Variants in CDH12 observed in about 807,000 individuals in gnomAD.
CDH12 encodes cadherin-12.
Under a neutral mutation model 74.1 loss-of-function variants are expected in CDH12, and 41 were observed. That is an observed-to-expected ratio of 0.55 (90% CI 0.43 to 0.72). CDH12 has a LOEUF of 0.72. CDH12 is among the 30% of genes least tolerant of loss of function. CDH12 has a pLI of 0.00. For synonymous variants in CDH12, 399 were observed against 355.0 expected, an observed-to-expected ratio of 1.12 and a Z score of -1.39; for missense variants, 945 against 977.2, an observed-to-expected ratio of 0.97 and a Z score of 0.44.
intron 1 of CDH12, among the ~76,000 whole-genome samples, chr5:22,574,905 T>A (rs1312260219): frequency 6.6e-6 from 1 of 152,152 alleles, no homozygotes; most frequent in East Asian, 1.9e-4. Context: ...TTCTTCACAT[T>A]CCCAATATGT....
At chr5:22,367,643 T>G (rs1371015500) in intron 3 of CDH12, among the ~76,000 whole-genome samples, 1 of 152,162 alleles carries the variant, frequency 6.6e-6, no homozygotes, top group Non-Finnish European at 1.5e-5. Context: ...TTCCTTATGC[T>G]TTCACTTCTT....
At chr5:22,072,351 G>A (rs1742000565) in intron 5 of CDH12, among the ~76,000 whole-genome samples, 1 of 151,946 alleles carries the variant, frequency 6.6e-6, no homozygotes, top group African/African-American at 2.4e-5. Context: ...GGCTCACCTT[G>A]AAGTTTCAAG....
chr5:22,562,393 A>G (rs1422588099), intron 1 of CDH12, among the ~76,000 whole-genome samples: 3 of 152,212 alleles, frequency 2.0e-5, no homozygotes, highest in African/African-American at 7.2e-5. Flanking sequence ...ACTGCTAGGA[A>G]TTTAAAAAAA....
chr5:21,989,488 G>A (rs1429992839), intron 5 of CDH12, among the ~76,000 whole-genome samples: 1 of 152,078 alleles, frequency 6.6e-6, no homozygotes, highest in Non-Finnish European at 1.5e-5. Flanking sequence ...TTTATCTCTT[G>A]ACTAAAAGTA....
At chr5:22,529,200 G>T (rs1972662) in intron 1 of CDH12, among the ~76,000 whole-genome samples, 1,726 of 101,164 alleles carry the variant, frequency 0.017, 23 homozygotes, top group Middle Eastern at 0.024. Context: ...GAGAGAGAGA[G>T]AGAGAGAGAG....
intron 1 of CDH12, among the ~76,000 whole-genome samples, chr5:22,523,727 C>A (rs1249124959): frequency 6.6e-6 from 1 of 152,144 alleles, no homozygotes; most frequent in East Asian, 1.9e-4. Context: ...TCATATAATT[C>A]TCTCTTCTTC....
intron 9 of CDH12, among the ~76,000 whole-genome samples, chr5:21,807,425 T>C (rs1747492671): frequency 6.6e-6 from 1 of 152,230 alleles, no homozygotes; most frequent in Non-Finnish European, 1.5e-5. Flanking sequence ...ATTGGTTTTG[T>C]CTGTGCAATG....
At chr5:22,292,877 G>A (rs141885919) in intron 3 of CDH12, among the ~76,000 whole-genome samples, 1 of 152,210 alleles carries the variant, frequency 6.6e-6, no homozygotes, top group East Asian at 1.9e-4. Flanking sequence ...CCTTTTCAAA[G>A]GTTCTGCTTG....
intron 4 of CDH12, among the ~76,000 whole-genome samples, chr5:22,080,610 A>C (rs760778466): frequency 6.6e-5 from 10 of 152,176 alleles, no homozygotes; most frequent in African/African-American, 9.7e-5. Flanking sequence ...TTAGTTAAAA[A>C]TTGGCAATTT....
chr5:22,474,092 A>T (rs1746072281), intron 2 of CDH12, among the ~76,000 whole-genome samples: 1 of 152,174 alleles, frequency 6.6e-6, no homozygotes, highest in Non-Finnish European at 1.5e-5. Flanking sequence ...CTAAGAATTT[A>T]GTAATGAGTC....
chr5:22,785,856 C>A (rs1175044638), intron 1 of CDH12, among the ~76,000 whole-genome samples: 1 of 152,138 alleles, frequency 6.6e-6, no homozygotes, highest in Non-Finnish European at 1.5e-5. Flanking sequence ...GGAACCCTTA[C>A]ACACTGTTTT....
At chr5:22,169,877 A>G (rs1334029267) in intron 4 of CDH12, among the ~76,000 whole-genome samples, 1 of 151,916 alleles carries the variant, frequency 6.6e-6, no homozygotes, top group Admixed American at 6.6e-5. Context: ...TTGAGATTCC[A>G]TCCTGAGCCA....
chr5:22,280,446 A>T (rs2150406288), intron 3 of CDH12, among the ~76,000 whole-genome samples: 1 of 152,282 alleles, frequency 6.6e-6, no homozygotes, highest in East Asian at 1.9e-4. Context: ...TGGTTTTTTG[A>T]AAAGATCAAC....
intron 3 of CDH12, among the ~76,000 whole-genome samples, chr5:22,262,959 A>G (rs1036820452): frequency 1.3e-5 from 2 of 151,868 alleles, no homozygotes; most frequent in African/African-American, 4.8e-5. Context: ...GCTAATATCC[A>G]GAATCTACAA....
chr5:22,003,712 T>A (rs1736746032), intron 5 of CDH12, among the ~76,000 whole-genome samples: 1 of 151,142 alleles, frequency 6.6e-6, no homozygotes, highest in African/African-American at 2.4e-5. Context: ...CACACTGGAC[T>A]GTGAGCTTCT....
chr5:21,931,991 T>G (rs1265878533), intron 6 of CDH12, among the ~76,000 whole-genome samples: 1 of 152,170 alleles, frequency 6.6e-6, no homozygotes, highest in East Asian at 1.9e-4. Context: ...AACACAGGTT[T>G]TTTAATCTTT....
intron 5 of CDH12, among the ~76,000 whole-genome samples, chr5:21,989,601 A>T (rs1341239615): frequency 6.6e-6 from 1 of 152,200 alleles, no homozygotes; most frequent in African/African-American, 2.4e-5. Context: ...TAAAAAGGAA[A>T]TGATTAATTA....
chr5:22,170,435 C>G (rs576769058), intron 4 of CDH12, among the ~76,000 whole-genome samples: 9 of 151,754 alleles, frequency 5.9e-5, no homozygotes, highest in African/African-American at 2.2e-4. Flanking sequence ...AACAACAATC[C>G]TAAATTGTAG....
chr5:22,110,149 T>C (rs1245431863), intron 4 of CDH12, among the ~76,000 whole-genome samples: 1 of 152,186 alleles, frequency 6.6e-6, no homozygotes, highest in Non-Finnish European at 1.5e-5. Flanking sequence ...ATCTTTCCTA[T>C]GAGAGTTTTA....
Sources: allele counts gnomAD v4.1 joint callset (sites outside exome capture counted in the v4.1 genomes callset), GRCh38; gene constraint gnomAD v4.1.1; transcripts MANE v1.5; gene names NCBI Gene and HGNC (gene_info 2026-07-23, HGNC 2026-07-21).